The following HNF4G variants were observed in gnomAD, a reference collection of about 807,000 sequenced individuals.
The protein encoded by HNF4G is hepatocyte nuclear factor 4 gamma.
Under a neutral mutation model 50.9 loss-of-function variants are expected in HNF4G, and 21 were observed. That is an observed-to-expected ratio of 0.41 (90% CI 0.29 to 0.59). The LOEUF (loss-of-function observed/expected upper bound fraction) is 0.59. Ranked by LOEUF, HNF4G falls within the 20% of genes least tolerant of loss-of-function variation. The probability of loss-of-function intolerance (pLI) is 0.26; values close to 1 mark genes in which losing one functional copy is unlikely to be tolerated. For missense variants in HNF4G, 527 were observed against 559.4 expected (o/e 0.94, Z 0.58); for synonymous variants, 198 against 185.6 (o/e 1.07, Z -0.54).
intron 2 of HNF4G, among the ~76,000 whole-genome samples, chr8:75,545,239 ATGTGTGTGTG>A (rs57486410): frequency 0.039 from 5,679 of 145,574 alleles, 153 homozygotes; most frequent in Middle Eastern, 0.068. Context: ...TTAAAATTGA[ATGTGTGTGTG>A]TGTGTGTGTG....
chr8:75,478,071 G>A (rs925663360), intron 1 of HNF4G, among the ~76,000 whole-genome samples: 6 of 152,202 alleles, frequency 3.9e-5, no homozygotes, highest in African/African-American at 1.4e-4. Context: ...CACCACGTTG[G>A]GAGGCCGAGG....
At chr8:75,421,494 C>T (rs532666413) in intron 1 of HNF4G, among the ~76,000 whole-genome samples, 4 of 152,100 alleles carry the variant, frequency 2.6e-5, no homozygotes, top group African/African-American at 4.8e-5. Flanking sequence ...CTGGCATTTA[C>T]GAAAAACCTA....
At chr8:75,436,153 G>A (rs923581299) in intron 1 of HNF4G, among the ~76,000 whole-genome samples, 3 of 152,098 alleles carry the variant, frequency 2.0e-5, no homozygotes, top group African/African-American at 7.2e-5. Flanking sequence ...AAAAACATTA[G>A]AAGACAAATA....
At chr8:75,531,170 A>G (rs1013670497) in intron 2 of HNF4G, among the ~76,000 whole-genome samples, 1 of 152,132 alleles carries the variant, frequency 6.6e-6, no homozygotes, top group Admixed American at 6.6e-5. Context: ...GAAATATAAC[A>G]TTTGAATAAT....
intron 1 of HNF4G, among the ~76,000 whole-genome samples, chr8:75,487,004 T>TA (rs937270333): frequency 8.0e-5 from 12 of 150,388 alleles, no homozygotes; most frequent in East Asian, 2.0e-4. Flanking sequence ...AGACCCTGTC[T>TA]AAAAAAAAAT....
In HNF4G at chr8:75,476,641, T is replaced by C. The variant is rs373433153; in HGVS notation, c.-143-13448T>C. On this transcript the variant is annotated intron_variant, in intron 1 of 10. Coordinates refer to the HNF4G transcript ENST00000354370. The stretch of plus-strand genomic sequence containing the variant: ...TGTTGTTTTGTTTTTACATGTACTG[T>C]AGATTATGTATGCCATATTTTATCA... 3.3e-5 allele frequency among the ~76,000 whole-genome samples: 5 copies of C among 152,342 alleles called. No individual in the cohort carries two copies. The East Asian group carries it at 5.8e-4, about 18-fold the overall frequency.
At position 75,564,173 on chromosome 8, in the gene HNF4G, T is replaced by C. The variant is rs1316841712; in HGVS notation, c.*77T>C. 6 of 1,481,926 alleles carry C rather than the reference T, an allele frequency of 4.0e-6. No homozygotes were observed. In the South Asian group the frequency reaches 4.8e-5, roughly 12 times the overall value. The allele number at this position is 1,481,926 out of a possible 1,614,324, so 91.8% of individuals were successfully genotyped here. A position where few individuals can be genotyped will look rare whatever the true frequency, so the allele number is the denominator to read the frequency against. On this transcript the variant is annotated 3_prime_UTR_variant, in exon 10 of 10. Coordinates refer to ENST00000396423, the MANE Select transcript of HNF4G (RefSeq NM_004133.5). Reference sequence around the variant, plus strand: ...TTGAAATATCTCAGGATAGCACTTTTGGCAAACTCTTAGCCAAGGCTTCTT... The same window carrying C: ...TTGAAATATCTCAGGATAGCACTTTCGGCAAACTCTTAGCCAAGGCTTCTT...
chr8:75,513,253 G>T (rs561970521), intron 2 of HNF4G, among the ~76,000 whole-genome samples: 1 of 152,208 alleles, frequency 6.6e-6, no homozygotes, highest in South Asian at 2.1e-4. Flanking sequence ...GGCCAGGCTA[G>T]TCTTGAACTC....
chr8:75,500,131 G>A (rs926750879), intron 2 of HNF4G, among the ~76,000 whole-genome samples: 4 of 152,098 alleles, frequency 2.6e-5, no homozygotes, highest in Non-Finnish European at 1.5e-5. Context: ...TGTCAGATAA[G>A]GGTCTTGTAT....
chr8:75,447,590 AAAAC>A (rs1488589302), intron 1 of HNF4G, among the ~76,000 whole-genome samples: 5 of 151,618 alleles, frequency 3.3e-5, no homozygotes, highest in South Asian at 2.1e-4. Context: ...TTACAAGAAA[AAAAC>A]AAACAACCCC....
chr8:75,450,674 A>G (rs1811563393), intron 1 of HNF4G, among the ~76,000 whole-genome samples: 1 of 152,138 alleles, frequency 6.6e-6, no homozygotes. Context: ...TTTAATTTGC[A>G]TTTCCCTGAT....
chr8:75,509,080 A>G (rs1805683391), intron 2 of HNF4G, among the ~76,000 whole-genome samples: 1 of 152,170 alleles, frequency 6.6e-6, no homozygotes. Context: ...AGGATGACAT[A>G]CCCATAGGAC....
chr8:75,409,066 G>A (rs529407690), intron 1 of HNF4G, among the ~76,000 whole-genome samples: 3 of 152,200 alleles, frequency 2.0e-5, no homozygotes, highest in African/African-American at 7.2e-5. Flanking sequence ...ATGTCCTGTG[G>A]ATACTCTCAC....
In HNF4G at chr8:75,558,459, A is replaced by T. The variant is rs1265086814; in HGVS notation, c.734-59A>T. On this transcript the variant is annotated intron_variant, in intron 6 of 9. Transcript: ENST00000396423. ...GTTTGTTAAATTTTAAACAGTGCTGACAATTTGGGGAGACAGGTGGTTATT... is the reference window on the plus strand; with the variant it reads ...GTTTGTTAAATTTTAAACAGTGCTGTCAATTTGGGGAGACAGGTGGTTATT... 6.6e-6 allele frequency: 10 copies of T among 1,523,862 alleles called. No homozygotes were observed. In the East Asian group the frequency reaches 2.3e-4, roughly 34 times the overall value. 94.4% of individuals were successfully genotyped at this position (1,523,862 alleles called of 1,614,324 possible). A position where few individuals can be genotyped will look rare whatever the true frequency, so the allele number is the denominator to read the frequency against.
chr8:75,473,245 C>T (rs929881697), intron 1 of HNF4G, among the ~76,000 whole-genome samples: 5 of 151,116 alleles, frequency 3.3e-5, no homozygotes, highest in East Asian at 2.0e-4. Flanking sequence ...GGAGGTGAGC[C>T]GAGATCGCCC....
intron 2 of HNF4G, among the ~76,000 whole-genome samples, chr8:75,498,974 A>C (rs1472075114): frequency 6.6e-6 from 1 of 152,112 alleles, no homozygotes; most frequent in East Asian, 1.9e-4. Context: ...GGGACAAGAT[A>C]AGAATGTCTG....
chr8:75,555,371 C>T (rs548304931), intron 5 of HNF4G, among the ~76,000 whole-genome samples: 15 of 152,114 alleles, frequency 9.9e-5, no homozygotes, highest in African/African-American at 3.6e-4. Context: ...AGTGGTGATG[C>T]CCAGCAGGTA....
rs11309608 is a variant in HNF4G, at chr8:75,566,824, GA to G, written c.*2738del. Reference sequence around the variant, plus strand: ...ACTAAACTTTCTAAATAAAAACTGAGAAAAAAAAAATCACTGAAACCAGGTG... The same window carrying G: ...ACTAAACTTTCTAAATAAAAACTGAGAAAAAAAAATCACTGAAACCAGGTG... On this transcript the variant is annotated 3_prime_UTR_variant, in exon 10 of 10. Transcript: ENST00000396423. The G allele has an allele frequency of 0.54, 81,107 of 150,624 alleles. 22,824 individuals carry two copies. The highest frequency in any genetic ancestry group is 0.72 in the African/African-American group (29,742 of 41,234). 9.3% of individuals were successfully genotyped at this position (150,624 alleles called of 1,614,324 possible).
chr8:75,442,109 C>T (rs1257591356), intron 1 of HNF4G, among the ~76,000 whole-genome samples: 1 of 151,976 alleles, frequency 6.6e-6, no homozygotes, highest in Non-Finnish European at 1.5e-5. Flanking sequence ...AGAGAAACAA[C>T]TAAATAGTTA....
Sources: allele counts gnomAD v4.1 joint callset (sites outside exome capture counted in the v4.1 genomes callset), GRCh38; gene constraint gnomAD v4.1.1; transcripts MANE v1.5; gene names NCBI Gene and HGNC (gene_info 2026-07-23, HGNC 2026-07-21).